The following DAB1 variants were observed in gnomAD, a reference collection of about 807,000 sequenced individuals.
The protein encoded by DAB1 is disabled homolog 1.
In DAB1, 15 loss-of-function variants were observed where a neutral mutation model predicts 64.6. The observed-to-expected ratio is 0.23, with a 90% CI of 0.16 to 0.36. The LOEUF (loss-of-function observed/expected upper bound fraction) is 0.36, where lower values mean the gene tolerates loss of function less well. Ranked by LOEUF, DAB1 falls within the 10% of genes least tolerant of loss-of-function variation. The probability of loss-of-function intolerance (pLI) is 1.00; values close to 1 mark genes in which losing one functional copy is unlikely to be tolerated. For synonymous variants in DAB1, 235 were observed against 251.9 expected (o/e 0.93, Z 0.64); for missense variants, 596 against 706.7 (o/e 0.84, Z 1.78).
At chr1:57,242,850 G>C (rs1455048817) in intron 2 of DAB1, among the ~76,000 whole-genome samples, 1 of 152,124 alleles carries the variant, frequency 6.6e-6, no homozygotes, top group Non-Finnish European at 1.5e-5. Context: ...TATTTAAAGA[G>C]AACTGTTTGT....
At chr1:57,424,290 C>G (rs549750737), upstream of DAB1, among the ~76,000 whole-genome samples, 1 of 151,308 alleles carries the variant, frequency 6.6e-6, no homozygotes, top group Non-Finnish European at 1.5e-5. Context: ...GAGCGCGCTC[C>G]GAGAGCTTAG....
chr1:57,845,659 C>T (rs865798881), intron 1 of DAB1, among the ~76,000 whole-genome samples: 6 of 152,278 alleles, frequency 3.9e-5, no homozygotes, highest in Non-Finnish European at 8.8e-5. Context: ...GTGAGAGACC[C>T]TGCCACAGTG....
In DAB1 at chr1:57,872,528, T is replaced by C. The variant is rs571963086; in HGVS notation, n.87+11471A>G. Among the ~76,000 whole-genome samples the C allele has an allele frequency of 7.2e-5, 11 of 152,304 alleles. No homozygotes were observed. In the East Asian group the frequency reaches 2.1e-3, roughly 29 times the overall value. On this transcript the variant is annotated intron_variant and non_coding_transcript_variant, in intron 1 of 1. Coordinates refer to the DAB1 transcript ENST00000477280. ...AGTTTTGCTATTTTGTTATAGCAAC[T>C]CAAATGGACTAAGATAACTACCCAC... is the stretch of plus-strand genomic sequence containing the variant.
chr1:58,293,549 C>T (rs780912589), intron 4 of DAB1, among the ~76,000 whole-genome samples: 1 of 152,150 alleles, frequency 6.6e-6, no homozygotes, highest in African/African-American at 2.4e-5. Flanking sequence ...TGAATTGCAT[C>T]ATCTTTTTCC....
At chr1:58,438,334 C>G (rs1204796050) in intron 3 of DAB1, among the ~76,000 whole-genome samples, 1 of 152,188 alleles carries the variant, frequency 6.6e-6, no homozygotes, top group South Asian at 2.1e-4. Flanking sequence ...TGGGCCTAAT[C>G]AAGTCTTGAG....
chr1:57,361,064 G>A (rs1399837828), intron 1 of DAB1, among the ~76,000 whole-genome samples: 1 of 152,020 alleles, frequency 6.6e-6, no homozygotes, highest in Non-Finnish European at 1.5e-5. Flanking sequence ...CACTGTGAGG[G>A]AACAGAGGAC....
intron 5 of DAB1, among the ~76,000 whole-genome samples, chr1:57,964,720 C>T (rs1645610813): frequency 1.3e-5 from 2 of 152,102 alleles, no homozygotes; most frequent in South Asian, 2.1e-4. Flanking sequence ...TATCCGATGG[C>T]AGAATTTACG....
intron 2 of DAB1, among the ~76,000 whole-genome samples, chr1:58,523,621 C>T (rs1378420676): frequency 6.6e-6 from 1 of 152,016 alleles, no homozygotes; most frequent in African/African-American, 2.4e-5. Context: ...CAGTCCTGGC[C>T]GGGCGCAGTG....
In DAB1 at chr1:57,472,168, C is replaced by T. The variant is rs189618292; in HGVS notation, n.625+177424G>A. Among the ~76,000 whole-genome samples the T allele has an allele frequency of 6.6e-4, 100 of 152,310 alleles. No homozygotes were observed. In the East Asian group the frequency reaches 0.012, roughly 18 times the overall value. Reference sequence around the variant, plus strand: ...ACAACTTAGGAATGAACTCCTAGCCCGGTTCTTTTCCCTGCACATGTTCTT... The same window carrying T: ...ACAACTTAGGAATGAACTCCTAGCCTGGTTCTTTTCCCTGCACATGTTCTT... On this transcript the variant is annotated intron_variant and non_coding_transcript_variant, in intron 7 of 20. Transcript: ENST00000485760.
intron 6 of DAB1, among the ~76,000 whole-genome samples, chr1:57,808,168 C>G (rs1651453525): frequency 6.9e-6 from 1 of 145,802 alleles, no homozygotes; most frequent in South Asian, 2.2e-4. Flanking sequence ...CTTTCTCTTT[C>G]TTTTTCTCTC....
intron 3 of DAB1, among the ~76,000 whole-genome samples, chr1:58,496,450 C>A (rs1392475457): frequency 1.3e-5 from 2 of 152,178 alleles, no homozygotes; most frequent in African/African-American, 2.4e-5. Context: ...TGCCGCCTTG[C>A]CTGTCCTCTC....
At chr1:57,435,902 C>T (rs1313984103) in intron 7 of DAB1, among the ~76,000 whole-genome samples, 6 of 146,582 alleles carry the variant, frequency 4.1e-5, no homozygotes, top group Non-Finnish European at 9.0e-5. Flanking sequence ...ATGTGCTAGA[C>T]TTTTTTTTTC....
intron 1 of DAB1, among the ~76,000 whole-genome samples, chr1:57,330,058 A>G (rs1676525009): frequency 6.6e-6 from 1 of 152,178 alleles, no homozygotes; most frequent in African/African-American, 2.4e-5. Flanking sequence ...AGGGGTTAGC[A>G]GGGCAATAAG....
intron 7 of DAB1, among the ~76,000 whole-genome samples, chr1:57,433,585 G>A (rs1685588493): frequency 6.6e-6 from 1 of 152,064 alleles, no homozygotes; most frequent in Non-Finnish European, 1.5e-5. Flanking sequence ...GTGTCTTCAT[G>A]ATTTAGAGGT....
chr1:57,024,986 T>C (rs1570529343), intron 10 of DAB1, among the ~76,000 whole-genome samples: 1 of 152,186 alleles, frequency 6.6e-6, no homozygotes, highest in East Asian at 1.9e-4. Flanking sequence ...GGCAGCAGTG[T>C]CTTGTGCCAT....
intron 7 of DAB1, among the ~76,000 whole-genome samples, chr1:57,506,552 A>C (rs1644345506): frequency 6.6e-6 from 1 of 152,216 alleles, no homozygotes; most frequent in South Asian, 2.1e-4. Flanking sequence ...GAATGAAAAC[A>C]TCTGAACACT....
chr1:57,893,436 T>C (rs1405166728), intron 5 of DAB1, among the ~76,000 whole-genome samples: 1 of 152,118 alleles, frequency 6.6e-6, no homozygotes, highest in Non-Finnish European at 1.5e-5. Flanking sequence ...CTCAATCAAT[T>C]GTCAGTGTAC....
intron 7 of DAB1, among the ~76,000 whole-genome samples, chr1:57,549,237 T>C (rs1422952590): frequency 6.6e-6 from 1 of 152,202 alleles, no homozygotes; most frequent in Non-Finnish European, 1.5e-5. Flanking sequence ...GAGCCTGTTG[T>C]GTGATCTGCA....
At chr1:58,036,700 G>A (rs1647049950) in intron 5 of DAB1, among the ~76,000 whole-genome samples, 1 of 152,146 alleles carries the variant, frequency 6.6e-6, no homozygotes, top group African/African-American at 2.4e-5. Context: ...GGTGAGAGTG[G>A]AGGCAGAGGT....
Sources: allele counts gnomAD v4.1 joint callset (sites outside exome capture counted in the v4.1 genomes callset), GRCh38; gene constraint gnomAD v4.1.1; transcripts MANE v1.5; gene names NCBI Gene and HGNC (gene_info 2026-07-23, HGNC 2026-07-21).